ODF2L: variants seen among roughly 807,000 people sequenced by gnomAD.
The protein encoded by ODF2L is protein BCAP.
Under a neutral mutation model 86.3 loss-of-function variants are expected in ODF2L, and 76 were observed. That is an observed-to-expected ratio of 0.88 (90% CI 0.73 to 1.07). The LOEUF is 1.07. Ranked by LOEUF, ODF2L falls within the 50% of genes least tolerant of loss-of-function variation. ODF2L has a pLI of 0.00. For missense variants in ODF2L, 748 were observed against 717.4 expected (o/e 1.04, Z -0.49); for synonymous variants, 241 against 231.3 (o/e 1.04, Z -0.38).
intron 11 of ODF2L, among the ~76,000 whole-genome samples, chr1:86,368,067 G>C (rs1659564808): frequency 6.6e-6 from 1 of 152,134 alleles, no homozygotes; most frequent in East Asian, 1.9e-4. Context: ...GCAAGCCACA[G>C]AGGTACACAG....
At chr1:86,350,975 T>C (rs953327508) in exon 18 of ODF2L, 2 of 152,200 alleles carry the variant, frequency 1.3e-5, no homozygotes, top group East Asian at 1.9e-4. Flanking sequence ...TTAAGTTCTT[T>C]GTAGATTCTG....
At chr1:86,361,612 A>G (rs1268904900) in intron 11 of ODF2L, among the ~76,000 whole-genome samples, 3 of 152,256 alleles carry the variant, frequency 2.0e-5, no homozygotes, top group African/African-American at 7.2e-5. Context: ...TAAATGGCAA[A>G]CAAAATATGA....
At chr1:86,382,273 G>C (rs1385666445) in exon 7 of ODF2L, 3 of 1,611,286 alleles carry the variant, frequency 1.9e-6, no homozygotes, top group Non-Finnish European at 2.5e-6. Context: ...ATCGTTCTCG[G>C]CTTCCCTTTT....
intron 9 of ODF2L, among the ~76,000 whole-genome samples, chr1:86,371,846 T>C (rs751106280): frequency 6.6e-6 from 1 of 152,130 alleles, no homozygotes; most frequent in Middle Eastern, 3.2e-3. Flanking sequence ...TTACTACAAA[T>C]AATAGATGGC....
intron 2 of ODF2L, chr1:86,386,624 G>C (rs890246852): frequency 6.8e-6 from 2 of 295,880 alleles, no homozygotes; most frequent in African/African-American, 2.2e-5. Flanking sequence ...CTGACCTCAA[G>C]TGATCCACCT....
intron 14 of ODF2L, chr1:86,355,537 T>C (rs940793381): frequency 1.6e-6 from 1 of 615,040 alleles, no homozygotes; most frequent in Non-Finnish European, 2.9e-6. Context: ...CATATTTTTA[T>C]CTAACTTTTA....
At chr1:86,371,470 T>C (rs1659780350) in intron 9 of ODF2L, among the ~76,000 whole-genome samples, 3 of 152,186 alleles carry the variant, frequency 2.0e-5, no homozygotes, top group Admixed American at 1.3e-4. Context: ...CTGTCATTCA[T>C]ACACATGCAC....
At chr1:86,381,612 G>A (rs1230802655) in intron 7 of ODF2L, among the ~76,000 whole-genome samples, 1 of 150,270 alleles carries the variant, frequency 6.7e-6, no homozygotes, top group East Asian at 1.9e-4. Flanking sequence ...TTTGCCTTTG[G>A]CGGAAAAAAA....
chr1:86,375,358 C>T (rs1385084394), intron 8 of ODF2L, among the ~76,000 whole-genome samples: 1 of 152,072 alleles, frequency 6.6e-6, no homozygotes, highest in Non-Finnish European at 1.5e-5. Context: ...TTATGATGCC[C>T]TATTTTATAC....
At chr1:86,357,429 A>G (rs896652597) in intron 13 of ODF2L, among the ~76,000 whole-genome samples, 1 of 151,890 alleles carries the variant, frequency 6.6e-6, no homozygotes, top group East Asian at 1.9e-4. Flanking sequence ...CTGTCTTGAA[A>G]GTAAAAGAAA....
chr1:86,383,262 T>C (rs1300336736), intron 4 of ODF2L, 66 bp from the exon 5 acceptor site: 3 of 772,322 alleles, frequency 3.9e-6, no homozygotes, highest in East Asian at 2.7e-5. Context: ...AAGTAGGAAG[T>C]GAAATAAGCA....
intron 8 of ODF2L, among the ~76,000 whole-genome samples, chr1:86,375,326 C>A (rs930550108): frequency 4.6e-5 from 7 of 152,226 alleles, no homozygotes; most frequent in Non-Finnish European, 7.4e-5. Flanking sequence ...TCTCTCCCTA[C>A]AAACACATGA....
exon 18 of ODF2L, chr1:86,350,104 ATTTT>A (rs1302075575): frequency 3.1e-6 from 1 of 323,644 alleles, no homozygotes; most frequent in Non-Finnish European, 4.4e-6. Context: ...TCAGATCTTT[ATTTT>A]TTTTAATTTT....
chr1:86,394,048 C>T (rs1020655592), intron 1 of ODF2L, among the ~76,000 whole-genome samples: 2 of 152,206 alleles, frequency 1.3e-5, no homozygotes, highest in Non-Finnish European at 2.9e-5. Flanking sequence ...TTCAACACGA[C>T]AGCTGTTGCC....
rs1659613253 is a variant in ODF2L at position 86,368,779 on chromosome 1, T to C, written c.1057-57A>G. 6.3e-6 allele frequency: 8 copies of C among 1,279,962 alleles called. No individual in the cohort carries two copies. In the African/African-American group the frequency reaches 7.6e-5, roughly 12 times the overall value. 79.3% of individuals were successfully genotyped at this position (1,279,962 alleles called of 1,614,324 possible). ...GAAAATGTTCATCAGAGCATTATTA[T>C]TATTAAATGTTAAAAACATTGGGAA... On this transcript the variant is annotated intron_variant, in intron 10 of 17. Transcript: ENST00000317336.
At chr1:86,394,224 G>A (rs1004541947) in intron 1 of ODF2L, among the ~76,000 whole-genome samples, 7 of 152,042 alleles carry the variant, frequency 4.6e-5, no homozygotes, top group Non-Finnish European at 8.8e-5. Flanking sequence ...TGAATTAAAA[G>A]CCATGAGATG....
intron 10 of ODF2L, among the ~76,000 whole-genome samples, chr1:86,368,884 C>T (rs575319772): frequency 6.8e-4 from 103 of 151,936 alleles, no homozygotes; most frequent in Non-Finnish European, 1.4e-3. Flanking sequence ...TAAAAGGATG[C>T]TTATAAAGAA....
downstream of ODF2L, chr1:86,347,469 G>T (rs948571312): frequency 2.0e-5 from 3 of 152,082 alleles, no homozygotes; most frequent in African/African-American, 7.2e-5. Flanking sequence ...TTTTTAAAAT[G>T]ACACTAATCT....
chr1:86,392,385 C>T (rs916366975), intron 1 of ODF2L, among the ~76,000 whole-genome samples: 2 of 152,030 alleles, frequency 1.3e-5, no homozygotes, highest in Admixed American at 6.6e-5. Context: ...CTTGCACATG[C>T]ATGTTTATAG....
Sources: gnomAD v4.1 joint callset for allele counts (sites outside exome capture counted in the v4.1 genomes callset) on GRCh38, gnomAD v4.1.1 for gene constraint, MANE v1.5 for transcripts, NCBI Gene and HGNC (gene_info 2026-07-23, HGNC 2026-07-21) for gene names.